Variants in PRKAR2A observed in about 807,000 individuals in gnomAD.
The protein encoded by PRKAR2A is cAMP-dependent protein kinase type II-alpha regulatory subunit.
Under a neutral mutation model 51.9 loss-of-function variants are expected in PRKAR2A, and 29 were observed. That is an observed-to-expected ratio of 0.56 (90% CI 0.42 to 0.76). PRKAR2A has a LOEUF of 0.76. Among genes scored for constraint, PRKAR2A ranks in the 30% least tolerant of loss-of-function variants. PRKAR2A has a pLI of 0.00. For synonymous variants in PRKAR2A, 178 were observed against 186.2 expected (o/e 0.96, Z 0.36); for missense variants, 445 against 512.1 (o/e 0.87, Z 1.26).
At chr3:48,782,482 G>A (rs1257214107) in intron 5 of PRKAR2A, among the ~76,000 whole-genome samples, 1 of 150,572 alleles carries the variant, frequency 6.6e-6, no homozygotes, top group African/African-American at 2.5e-5. Flanking sequence ...TGTCCAGGCT[G>A]GAGTGCAGTG....
chr3:48,750,445 C>G lies in PRKAR2A; in HGVS notation c.*1140G>C, dbSNP rs1575829268. 6.6e-6 allele frequency: 1 copy of G among 152,338 alleles called. No homozygotes were observed. The highest frequency in any genetic ancestry group is 1.5e-5 in the Non-Finnish European group (1 of 68,052). 9.4% of individuals were successfully genotyped at this position (152,338 alleles called of 1,614,324 possible). On this transcript the variant is annotated 3_prime_UTR_variant, in exon 11 of 11. Transcript: ENST00000265563. ...GCCTAGGCTGGTCTTAAGCGATCCT[C>G]CCAGCTCAGCCTCCCAAAGCACTAC... is the stretch of plus-strand genomic sequence containing the variant.
chr3:48,836,247 G>A (rs867000330), intron 1 of PRKAR2A, among the ~76,000 whole-genome samples: 50 of 150,876 alleles, frequency 3.3e-4, no homozygotes, highest in Admixed American at 1.1e-3. Flanking sequence ...GTGAAACCCC[G>A]TCTCTACCAA....
At chr3:48,791,971 GA>G (rs1277861736) in intron 3 of PRKAR2A, among the ~76,000 whole-genome samples, 4 of 115,958 alleles carry the variant, frequency 3.4e-5, no homozygotes, top group Non-Finnish European at 3.6e-5. Flanking sequence ...TATTAAATTA[GA>G]AAAAAACTGT....
chr3:48,763,333 TA>T (rs1320029834), intron 8 of PRKAR2A, among the ~76,000 whole-genome samples: 1 of 152,056 alleles, frequency 6.6e-6, no homozygotes, highest in Non-Finnish European at 1.5e-5. Context: ...TCATCTTAAT[TA>T]ATGTCCATTC....
At chr3:48,804,433 C>T (rs2082641485) in intron 2 of PRKAR2A, among the ~76,000 whole-genome samples, 4 of 151,808 alleles carry the variant, frequency 2.6e-5, no homozygotes, top group Admixed American at 1.3e-4. Flanking sequence ...TGCACTCTAA[C>T]ATGGGTACAG....
intron 1 of PRKAR2A, among the ~76,000 whole-genome samples, chr3:48,841,138 G>A (rs1040190135): frequency 4.6e-5 from 7 of 150,818 alleles, no homozygotes; most frequent in Non-Finnish European, 8.9e-5. Context: ...CGCCCGCCTC[G>A]GCCCCCCAGT....
chr3:48,797,351 T>C (rs2082512902), intron 2 of PRKAR2A, among the ~76,000 whole-genome samples: 1 of 151,966 alleles, frequency 6.6e-6, no homozygotes, highest in South Asian at 2.1e-4. Context: ...ATGTTTTTAG[T>C]AGAGACGGGG....
chr3:48,836,758 C>A (rs538181255), intron 1 of PRKAR2A, among the ~76,000 whole-genome samples: 92 of 151,918 alleles, frequency 6.1e-4, no homozygotes, highest in African/African-American at 2.2e-3. Flanking sequence ...AGGAGGATCC[C>A]TTGAGGCCAG....
Position 48,847,146 on chromosome 3 carries a change from A to G in PRKAR2A, c.262+189T>C, listed in dbSNP as rs2083476937. Among the ~76,000 whole-genome samples, 1 of 152,124 alleles carries G rather than the reference A, an allele frequency of 6.6e-6. No homozygotes were observed. The highest frequency in any genetic ancestry group is 1.5e-5 in the Non-Finnish European group (1 of 68,016). On this transcript the variant is annotated intron_variant, in intron 1 of 10. Transcript: ENST00000265563. This position sits in a 1 kb window ranked among gnomAD's most constrained non-coding sequence, Gnocchi z 4.4. ...CGCTCTAGGGCTCGCAGGATCGCGGAGCTCAATTTGGAAGTGGCGCACGCG... is the reference window on the plus strand; with the variant it reads ...CGCTCTAGGGCTCGCAGGATCGCGGGGCTCAATTTGGAAGTGGCGCACGCG...
At chr3:48,757,072 A>G (rs1007090663) in intron 8 of PRKAR2A, among the ~76,000 whole-genome samples, 82 of 152,204 alleles carry the variant, frequency 5.4e-4, no homozygotes, top group African/African-American at 1.9e-3. Context: ...CATTACACAA[A>G]CAGCTTCATG....
intron 4 of PRKAR2A, among the ~76,000 whole-genome samples, chr3:48,784,992 C>T (rs562546818): frequency 3.3e-5 from 5 of 152,026 alleles, no homozygotes; most frequent in East Asian, 3.9e-4. Flanking sequence ...ACTGGGAAAA[C>T]GGGAAATCTG....
At chr3:48,751,958 T>A (rs1575831031) in intron 10 of PRKAR2A, among the ~76,000 whole-genome samples, 1 of 152,210 alleles carries the variant, frequency 6.6e-6, no homozygotes, top group African/African-American at 2.4e-5. Context: ...GTTCTTTTCA[T>A]ACGGCTAAAG....
chr3:48,836,946 C>T lies in PRKAR2A; in HGVS notation c.262+10389G>A, dbSNP rs375557568. Among the ~76,000 whole-genome samples, 5 of 152,088 alleles carry T rather than the reference C, an allele frequency of 3.3e-5. No homozygotes were observed. In the East Asian group the frequency reaches 9.7e-4, roughly 29 times the overall value. The stretch of plus-strand genomic sequence containing the variant: ...AGGAGTTCGAGACCAGCCTGGGCAA[C>T]ATGGTGAAACCCCATCTCCACAAAA... On this transcript the variant is annotated intron_variant, in intron 1 of 10. Transcript: ENST00000265563.
chr3:48,799,096 T>C (rs1000582252), intron 2 of PRKAR2A, among the ~76,000 whole-genome samples: 4 of 152,220 alleles, frequency 2.6e-5, no homozygotes, highest in African/African-American at 9.6e-5. Context: ...TTACAGTACC[T>C]ACTTGATTGT....
At chr3:48,752,999 A>G (rs1163694122) in intron 9 of PRKAR2A, among the ~76,000 whole-genome samples, 1 of 120,938 alleles carries the variant, frequency 8.3e-6, no homozygotes, top group Non-Finnish European at 1.6e-5. Context: ...GTGGCGCAAT[A>G]TCCGCTCACT....
intron 1 of PRKAR2A, among the ~76,000 whole-genome samples, chr3:48,810,589 C>T (rs533947910): frequency 4.0e-5 from 6 of 151,646 alleles, no homozygotes; most frequent in East Asian, 1.9e-4. Flanking sequence ...TCAGCCTGGG[C>T]GACAGAGTAA....
chr3:48,794,139 T>A (rs2082448300), intron 2 of PRKAR2A, 90 bp from the exon 3 acceptor site: 1 of 1,005,802 alleles, frequency 9.9e-7, no homozygotes, highest in Non-Finnish European at 1.5e-6. Context: ...TTTCTTTTAT[T>A]CACTGTTTTC....
intron 1 of PRKAR2A, among the ~76,000 whole-genome samples, chr3:48,843,692 A>C (rs2083415083): frequency 1.3e-5 from 2 of 152,134 alleles, no homozygotes; most frequent in Non-Finnish European, 1.5e-5. Context: ...CATATCTACA[A>C]CTATCTGATC....
chr3:48,748,041 T>C lies in PRKAR2A; in HGVS notation c.*3544A>G, dbSNP rs1394137856. 1 of 152,128 alleles carries C rather than the reference T, an allele frequency of 6.6e-6. No individual in the cohort carries two copies. The highest frequency in any genetic ancestry group is 1.5e-5 in the Non-Finnish European group (1 of 68,022). The allele number at this position is 152,128 out of a possible 1,614,324, so 9.4% of individuals were successfully genotyped here. A position where few individuals can be genotyped will look rare whatever the true frequency, so the allele number is the denominator to read the frequency against. ...CTTTTAAAGTCTCCCTTCCTCAAGC[T>C]ATTAAATAGAACCCTCTAGGGATCC... is the stretch of plus-strand genomic sequence containing the variant. On this transcript the variant is annotated 3_prime_UTR_variant, in exon 11 of 11. Transcript: ENST00000265563.
Sources: gnomAD v4.1 joint callset for allele counts (sites outside exome capture counted in the v4.1 genomes callset) on GRCh38, gnomAD v4.1.1 for gene constraint, Gnocchi (gnomAD v3.1) non-coding constraint, MANE v1.5 for transcripts, NCBI Gene and HGNC (gene_info 2026-07-23, HGNC 2026-07-21) for gene names.